PDE7A: variants seen among roughly 807,000 people sequenced by gnomAD.
PDE7A encodes the protein high affinity 3',5'-cyclic-AMP phosphodiesterase 7A.
A neutral mutation model predicts 64.3 loss-of-function variants in PDE7A; 39 were observed. The ratio of observed to expected loss-of-function variants is 0.61; its 90% CI spans 0.47 to 0.79. The LOEUF (loss-of-function observed/expected upper bound fraction) is 0.79. PDE7A is among the 30% of genes least tolerant of loss of function. The pLI is 0.00. For synonymous variants in PDE7A, 203 were observed against 206.8 expected (o/e 0.98, Z 0.16); for missense variants, 470 against 582.8 (o/e 0.81, Z 1.99).
rs1381156271 is a variant in PDE7A, at chr8:65,715,130, G to T, written c.*4160C>A. On this transcript the variant is annotated 3_prime_UTR_variant, in exon 13 of 13. Transcript: ENST00000401827. ...TAGTCTCCCATGTAAAATAAATTTTGCATTCTGTTCTGTAATATTTACTTG... is the reference window on the plus strand; with the variant it reads ...TAGTCTCCCATGTAAAATAAATTTTTCATTCTGTTCTGTAATATTTACTTG... Among the ~76,000 whole-genome samples, 1 of 152,068 alleles carries T rather than the reference G, an allele frequency of 6.6e-6. No individual in the cohort carries two copies. The highest frequency in any genetic ancestry group is 2.4e-5 in the African/African-American group (1 of 41,416).
chr8:65,744,553 C>T (rs371143419), intron 5 of PDE7A, among the ~76,000 whole-genome samples: 65 of 152,226 alleles, frequency 4.3e-4, no homozygotes, highest in African/African-American at 1.5e-3. Flanking sequence ...GGCATTTTCC[C>T]CCAAACCACC....
intron 1 of PDE7A, among the ~76,000 whole-genome samples, chr8:65,815,982 A>G (rs1448645368): frequency 6.6e-6 from 1 of 152,244 alleles, no homozygotes; most frequent in Non-Finnish European, 1.5e-5. Flanking sequence ...TCTTCTATTA[A>G]GGTAGACGTT....
chr8:65,800,159 AC>A (rs142965170), intron 1 of PDE7A, among the ~76,000 whole-genome samples: 8,687 of 152,150 alleles, frequency 0.057, 358 homozygotes, highest in Middle Eastern at 0.11. Flanking sequence ...AGAGGCTCGG[AC>A]CCCCCACCTA....
At position 65,716,860 on chromosome 8, in the gene PDE7A, C is replaced by T. The variant is rs1806161622; in HGVS notation, c.*2430G>A. ...AGGTATGGCCATCTCACGAGAGTGA[C>T]CAGCTGACCATATTCCTCTACTACC... On this transcript the variant is annotated 3_prime_UTR_variant, in exon 13 of 13. Coordinates refer to ENST00000401827, the MANE Select transcript of PDE7A (RefSeq NM_001242318.3). Among the ~76,000 whole-genome samples the T allele has an allele frequency of 6.6e-6, 1 of 152,104 alleles. No individual in the cohort carries two copies. The highest frequency in any genetic ancestry group is 2.1e-4 in the South Asian group (1 of 4,814).
At chr8:65,771,884 C>CAAAAAAAAAAAAAAA (rs36101490) in intron 3 of PDE7A, among the ~76,000 whole-genome samples, 4 of 55,830 alleles carry the variant, frequency 7.2e-5, no homozygotes, top group African/African-American at 1.1e-4. Flanking sequence ...CTCCATCTCT[C>CAAAAAAAAAAAAAAA]AAAAAAAAAA....
intron 1 of PDE7A, among the ~76,000 whole-genome samples, chr8:65,840,477 T>A (rs1017054994): frequency 3.3e-5 from 5 of 151,892 alleles, no homozygotes; most frequent in African/African-American, 1.2e-4. Context: ...TATACTCCCA[T>A]AAAAGATAGT....
At chr8:65,761,494 G>A (rs996001917) in intron 3 of PDE7A, among the ~76,000 whole-genome samples, 4 of 152,116 alleles carry the variant, frequency 2.6e-5, no homozygotes, top group African/African-American at 9.7e-5. Context: ...TTTATTTTAA[G>A]TCCCAGGCTT....
At chr8:65,840,834 AG>A (rs1563527753) in intron 1 of PDE7A, among the ~76,000 whole-genome samples, 1 of 152,260 alleles carries the variant, frequency 6.6e-6, no homozygotes, top group Non-Finnish European at 1.5e-5. Context: ...AGTACAGCCC[AG>A]CCACAGAAAC....
rs1806148911 is a variant in PDE7A, at chr8:65,716,464, T to A, written c.*2826A>T. ...TAGAGAAGCAACTACTGGCAGAGAATCTCTAGCACCTTCCAGGGGAAGAGG... is the reference window on the plus strand; with the variant it reads ...TAGAGAAGCAACTACTGGCAGAGAAACTCTAGCACCTTCCAGGGGAAGAGG... On this transcript the variant is annotated 3_prime_UTR_variant, in exon 13 of 13. Coordinates refer to ENST00000401827, the MANE Select transcript of PDE7A (RefSeq NM_001242318.3). Among the ~76,000 whole-genome samples the A allele has an allele frequency of 6.6e-6, 1 of 152,032 alleles. No homozygotes were observed. Among genetic ancestry groups the A allele is most frequent in the Non-Finnish European group, 1.5e-5 (1 of 68,012 alleles).
chr8:65,841,778 G>C lies in PDE7A; in HGVS notation c.-270C>G, dbSNP rs1417144315. The stretch of plus-strand genomic sequence containing the variant: ...GGCGAGGGGGGACGGGGTGCAAGCG[G>C]GGCCAGCACAGGCAAAGTCGGAAAG... On this transcript the variant is annotated 5_prime_UTR_variant, in exon 1 of 13. Coordinates refer to ENST00000401827, the MANE Select transcript of PDE7A (RefSeq NM_001242318.3). The C allele has an allele frequency of 6.5e-6, 1 of 153,604 alleles. No individual in the cohort carries two copies. Among genetic ancestry groups the C allele is most frequent in the Non-Finnish European group, 1.4e-5 (1 of 69,536 alleles). 9.5% of individuals were successfully genotyped at this position (153,604 alleles called of 1,614,324 possible).
rs760555497 is a variant in PDE7A at position 65,841,461 on chromosome 8, G to A, written c.48C>T (p.Val16=). Residue 16 remains valine, a synonymous_variant, in exon 1 of 13, where the codon GTC becomes GTT. Coordinates refer to ENST00000401827, the MANE Select transcript of PDE7A (RefSeq NM_001242318.3). ...QLPVLPLDRP[V]PQHVLSRRGA... ...CTCGGCGGCTGAGGACGTGCTGGGG[G>A]ACCGGCCTGTCCAGGGGCAGTACCG... is the stretch of plus-strand genomic sequence containing the variant. The A allele has an allele frequency of 1.9e-6, 3 of 1,564,540 alleles. No homozygotes were observed. The highest frequency in any genetic ancestry group is 2.6e-5 in the East Asian group (1 of 38,482).
At chr8:65,840,429 CA>C (rs1811054062) in intron 1 of PDE7A, among the ~76,000 whole-genome samples, 2 of 147,642 alleles carry the variant, frequency 1.4e-5, no homozygotes, top group Admixed American at 1.3e-4. Context: ...CACACACACA[CA>C]CCTTGCTCAA....
intron 11 of PDE7A, 48 bp downstream of exon 11, chr8:65,724,207 A>G (rs1806513917): frequency 8.1e-7 from 1 of 1,233,726 alleles, no homozygotes; most frequent in South Asian, 1.2e-5. Context: ...ACGATGTTAA[A>G]AAAAAATGAA....
intron 1 of PDE7A, among the ~76,000 whole-genome samples, chr8:65,814,505 C>T (rs1421088332): frequency 2.0e-5 from 2 of 98,848 alleles, no homozygotes; most frequent in Non-Finnish European, 4.0e-5. Context: ...AGCGAGACTC[C>T]GTCTCAAAAA....
chr8:65,808,712 A>G (rs1810170157), intron 1 of PDE7A, among the ~76,000 whole-genome samples: 1 of 152,214 alleles, frequency 6.6e-6, no homozygotes, highest in Non-Finnish European at 1.5e-5. Flanking sequence ...TATTTTCAAG[A>G]GGAAGAAACG....
Position 65,723,596 on chromosome 8 carries a change from C to A in PDE7A, c.1188G>T (p.Leu396Phe). The A allele has an allele frequency of 6.4e-7, 1 of 1,574,690 alleles. No homozygotes were observed. Among genetic ancestry groups the A allele is most frequent in the Non-Finnish European group, 8.6e-7 (1 of 1,164,016 alleles). ...GACGATCGCAAAGTGGACTCACACCCAAATGATATTTTTTTTCTATATCTC... is the reference window on the plus strand; with the variant it reads ...GACGATCGCAAAGTGGACTCACACCAAAATGATATTTTTTTTCTATATCTC... ...HQGDIEKKYH[L>F]GVSPLCDRHT... is the part of the protein sequence containing the mutation. Residue 396 changes from leucine (L) to phenylalanine (F), a missense_variant, in exon 12 of 13, where the codon TTG becomes TTT. Transcript: ENST00000401827.
At chr8:65,731,983 A>ATTGTTG (rs1175396332) in intron 7 of PDE7A, among the ~76,000 whole-genome samples, 2 of 143,132 alleles carry the variant, frequency 1.4e-5, no homozygotes, top group African/African-American at 5.0e-5. Context: ...TATTATTATT[A>ATTGTTG]TTATTGTTGT....
chr8:65,805,196 T>C (rs1585931892), intron 1 of PDE7A, among the ~76,000 whole-genome samples: 2 of 152,202 alleles, frequency 1.3e-5, no homozygotes, highest in East Asian at 3.8e-4. Context: ...TTGGATATAG[T>C]ACAAGCAGTT....
intron 1 of PDE7A, among the ~76,000 whole-genome samples, chr8:65,835,032 T>C (rs1024947321): frequency 1.3e-4 from 20 of 151,470 alleles, no homozygotes; most frequent in Middle Eastern, 3.4e-3. Flanking sequence ...AAAAGCATGT[T>C]TGGCAACAAT....
Sources: allele counts gnomAD v4.1 joint callset (sites outside exome capture counted in the v4.1 genomes callset), GRCh38; gene constraint gnomAD v4.1.1; transcripts MANE v1.5; gene names NCBI Gene and HGNC (gene_info 2026-07-23, HGNC 2026-07-21).